The following NAALADL2 variants were observed in gnomAD, a reference collection of about 807,000 sequenced individuals.
NAALADL2 encodes N-acetylated alpha-linked acidic dipeptidase like 2, also known as inactive N-acetylated-alpha-linked acidic dipeptidase-like protein 2.
A neutral mutation model predicts 87.2 loss-of-function variants in NAALADL2; 76 were observed. That is an observed-to-expected ratio of 0.87 (90% confidence interval 0.72 to 1.05). The LOEUF is 1.05. Ranked by LOEUF, NAALADL2 falls within the 50% of genes least tolerant of loss-of-function variation. The pLI is 0.00. For missense variants in NAALADL2, 1,089 were observed against 945.8 expected, an observed-to-expected ratio of 1.15 and a Z score of -1.99; for synonymous variants, 354 against 331.0, an observed-to-expected ratio of 1.07 and a Z score of -0.75.
intron 2 of NAALADL2, among the ~76,000 whole-genome samples, chr3:175,156,402 T>C (rs1336480887): frequency 1.3e-5 from 2 of 150,514 alleles, no homozygotes; most frequent in Admixed American, 6.7e-5. Context: ...ATGAAATATG[T>C]GATTAGTGTA....
In NAALADL2 at chr3:175,325,918, G is replaced by A. The variant is rs920571190; in HGVS notation, c.1090+1593G>A. 7.2e-5 allele frequency among the ~76,000 whole-genome samples: 11 copies of A among 151,968 alleles called. No individual in the cohort carries two copies. The South Asian group carries it at 1.5e-3, about 20-fold the overall frequency. ...CATACTAATGTTCTTATCAAATAGT[G>A]GCACCCTTTCTTTCTTCTCCTAGAA... On this transcript the variant is annotated intron_variant, in intron 5 of 13. Coordinates refer to ENST00000454872, the MANE Select transcript of NAALADL2 (RefSeq NM_207015.3).
chr3:175,657,546 A>G (rs1441058578), intron 11 of NAALADL2, among the ~76,000 whole-genome samples: 1 of 151,740 alleles, frequency 6.6e-6, no homozygotes, highest in Non-Finnish European at 1.5e-5. Flanking sequence ...TGAGAAACTT[A>G]CAAGCATGTT....
chr3:175,057,949 G>A (rs757861584), intron 1 of NAALADL2, among the ~76,000 whole-genome samples: 87 of 152,268 alleles, frequency 5.7e-4, no homozygotes, highest in Middle Eastern at 3.4e-3. Flanking sequence ...AGTTTGTAGA[G>A]TTCATTCCAA....
At chr3:174,743,614 G>C (rs987234546) in intron 3 of NAALADL2, among the ~76,000 whole-genome samples, 9 of 151,836 alleles carry the variant, frequency 5.9e-5, no homozygotes, top group Middle Eastern at 3.4e-3. Context: ...CTCTTTTAGA[G>C]AAACAGCATA....
intron 11 of NAALADL2, among the ~76,000 whole-genome samples, chr3:175,643,843 A>T (rs1305266603): frequency 6.6e-6 from 1 of 152,196 alleles, no homozygotes; most frequent in African/African-American, 2.4e-5. Flanking sequence ...GAATAGTTAC[A>T]TACACAGGCG....
At chr3:175,012,542 AT>A (rs1246048397) in intron 1 of NAALADL2, among the ~76,000 whole-genome samples, 1 of 152,034 alleles carries the variant, frequency 6.6e-6, no homozygotes, top group African/African-American at 2.4e-5. Flanking sequence ...CAGTAAAATA[AT>A]TTTTTTATTT....
chr3:175,676,154 GT>G (rs1734746043), intron 11 of NAALADL2: 1 of 152,136 alleles, frequency 6.6e-6, no homozygotes, highest in Non-Finnish European at 1.5e-5. Context: ...TCTCCAAGGT[GT>G]TGCAATACAT....
intron 3 of NAALADL2, among the ~76,000 whole-genome samples, chr3:174,766,850 T>A (rs1437408444): frequency 6.6e-6 from 1 of 152,220 alleles, no homozygotes; most frequent in Non-Finnish European, 1.5e-5. Context: ...GGGTTAGATA[T>A]ACAATAATAT....
intron 1 of NAALADL2, among the ~76,000 whole-genome samples, chr3:174,939,914 A>G (rs80164296): frequency 0.041 from 6,269 of 152,182 alleles, 431 homozygotes; most frequent in African/African-American, 0.14. Context: ...TCCCAAGACT[A>G]TGAGGGTTTC....
intron 3 of NAALADL2, among the ~76,000 whole-genome samples, chr3:174,756,548 A>T (rs1435736461): frequency 6.6e-6 from 1 of 152,260 alleles, no homozygotes; most frequent in Admixed American, 6.5e-5. Context: ...AGTTAAATTG[A>T]GAAATCTCAG....
At chr3:175,067,052 T>C (rs1714659524) in intron 1 of NAALADL2, among the ~76,000 whole-genome samples, 1 of 152,178 alleles carries the variant, frequency 6.6e-6, no homozygotes, top group African/African-American at 2.4e-5. Context: ...GATTCCTATT[T>C]TTGATCAAGA....
At chr3:175,137,553 A>G (rs1259189977) in intron 2 of NAALADL2, among the ~76,000 whole-genome samples, 2 of 151,676 alleles carry the variant, frequency 1.3e-5, no homozygotes, top group African/African-American at 4.8e-5. Flanking sequence ...TCACATTCAG[A>G]TATTTTTTAG....
At chr3:175,425,397 C>G (rs746024183) in intron 5 of NAALADL2, among the ~76,000 whole-genome samples, 2 of 152,150 alleles carry the variant, frequency 1.3e-5, no homozygotes, top group Non-Finnish European at 1.5e-5. Flanking sequence ...TACCATCAAG[C>G]AGCATTGCTT....
At chr3:174,831,957 C>T (rs1722755493) in intron 3 of NAALADL2, among the ~76,000 whole-genome samples, 1 of 150,954 alleles carries the variant, frequency 6.6e-6, no homozygotes, top group Non-Finnish European at 1.5e-5. Context: ...TGGTGATATC[C>T]CCTTTATCAT....
At chr3:175,528,037 A>T (rs150378452) in intron 9 of NAALADL2, among the ~76,000 whole-genome samples, 2,048 of 152,134 alleles carry the variant, frequency 0.013, 53 homozygotes, top group Admixed American at 0.056. Flanking sequence ...GAAAAAGTAT[A>T]CTCATATTTG....
intron 3 of NAALADL2, among the ~76,000 whole-genome samples, chr3:174,800,353 A>T (rs1386856791): frequency 6.6e-6 from 1 of 152,150 alleles, no homozygotes; most frequent in Non-Finnish European, 1.5e-5. Flanking sequence ...GCCATCATAT[A>T]AAGCTCATGC....
intron 2 of NAALADL2, among the ~76,000 whole-genome samples, chr3:175,202,761 G>T (rs1391123429): frequency 6.6e-6 from 1 of 152,038 alleles, no homozygotes; most frequent in Non-Finnish European, 1.5e-5. Flanking sequence ...AAGTGTGTCT[G>T]AGCTCAGACT....
At chr3:175,641,227 T>C (rs1729244020) in intron 11 of NAALADL2, among the ~76,000 whole-genome samples, 2 of 152,210 alleles carry the variant, frequency 1.3e-5, no homozygotes, top group Admixed American at 6.5e-5. Context: ...CCCAAGCCTT[T>C]CCTGGAGATG....
chr3:174,828,479 G>A (rs900462304), intron 3 of NAALADL2, among the ~76,000 whole-genome samples: 2 of 152,170 alleles, frequency 1.3e-5, no homozygotes, highest in Non-Finnish European at 2.9e-5. Context: ...GTATCATGGA[G>A]TAAAGCTAGG....
Sources: gnomAD v4.1 joint callset for allele counts (sites outside exome capture counted in the v4.1 genomes callset) on GRCh38, gnomAD v4.1.1 for gene constraint, MANE v1.5 for transcripts, NCBI Gene and HGNC (gene_info 2026-07-23, HGNC 2026-07-21) for gene names.